Variants in HSBP1L1 observed in about 807,000 individuals in gnomAD.
HSBP1L1 encodes heat shock factor-binding protein 1-like protein 1.
Under a neutral mutation model 9.7 loss-of-function variants are expected in HSBP1L1, and 8 were observed. That is an observed-to-expected ratio of 0.82 (90% CI 0.48 to 1.48). The LOEUF is 1.48. Among genes scored for constraint, HSBP1L1 ranks in the 40% most tolerant of loss-of-function variants. The pLI, the probability that HSBP1L1 is intolerant of heterozygous loss-of-function variation, is 0.00. For synonymous variants in HSBP1L1, 39 were observed against 34.4 expected (o/e 1.13, Z -0.46); for missense variants, 106 against 95.8 (o/e 1.11, Z -0.44).
chr18:79,968,030 C>A, intron 2 of HSBP1L1, 59 bp from the exon 3 acceptor site: 1 of 1,055,596 alleles, frequency 9.5e-7, no homozygotes, highest in Non-Finnish European at 1.4e-6. Flanking sequence ...TGAGGACATC[C>A]TGGCTGTGCC....
rs2298645 is a variant in HSBP1L1 at position 79,968,135 on chromosome 18, G to T, written c.165G>T (p.Lys55Asn). Residue 55 changes from lysine (K) to asparagine (N), a missense_variant, in exon 3 of 4, where the codon AAG (lysine) becomes AAT (asparagine). Lys to Asn is a moderately conservative substitution (Grantham distance 94, BLOSUM62 0). Transcript: ENST00000451882. ...NRIEDLQKNVKDLMVQAGIEN... is the reference protein window; with the variant it reads ...NRIEDLQKNVNDLMVQAGIEN... ...TTGAGGACTTACAGAAGAATGTCAA[G>T]GACTTAATGGTGCAAGCTGGCATTG... The T allele has an allele frequency of 0.83, 1,280,836 of 1,548,168 alleles. 532,117 individuals carry two copies. The highest frequency in any genetic ancestry group is 0.89 in the East Asian group (36,309 of 40,900).
rs146936388 is a variant in HSBP1L1 at position 79,970,048 on chromosome 18, G to A, written c.214-392G>A. On this transcript the variant is annotated intron_variant, in intron 3 of 3. Transcript: ENST00000451882. ...AAATAGAATTCACTAGGTACCCAGA[G>A]AGCCACTAGTATATCCAACTTGATT... 294 of 182,140 alleles carry A rather than the reference G, an allele frequency of 1.6e-3. 1 individual carries two copies. Among genetic ancestry groups the A allele is most frequent in the African/African-American group, 6.2e-3 (267 of 43,116 alleles). The allele number at this position is 182,140 out of a possible 1,614,324, so 11.3% of individuals were successfully genotyped here.
chr18:79,968,716 G>A lies in HSBP1L1; in HGVS notation c.213+533G>A, dbSNP rs1026363923. Among the ~76,000 whole-genome samples, 7 of 151,782 alleles carry A rather than the reference G, an allele frequency of 4.6e-5. 1 individual carries two copies. The highest frequency in any genetic ancestry group is 6.8e-3 in the Middle Eastern group (2 of 294). On this transcript the variant is annotated intron_variant, in intron 3 of 3. Coordinates refer to ENST00000451882, the MANE Select transcript of HSBP1L1 (RefSeq NM_001136180.2). Reference sequence around the variant, plus strand: ...ACTCCTGACCTCAGGTGATCCACCCGCCTCGGCCTCCCAAAGTGCCTCCTC... The same window carrying A: ...ACTCCTGACCTCAGGTGATCCACCCACCTCGGCCTCCCAAAGTGCCTCCTC...
rs1289192650 is a variant in HSBP1L1 at position 79,969,317 on chromosome 18, GAAA to G, written c.214-1122_214-1120del. 2.0e-3 allele frequency among the ~76,000 whole-genome samples: 212 copies of G among 105,032 alleles called. 4 individuals carry two copies. Among genetic ancestry groups the G allele is most frequent in the Non-Finnish European group, 3.2e-3 (167 of 51,848 alleles). 68.9% of individuals were successfully genotyped at this position (105,032 alleles called of 152,430 possible). On this transcript the variant is annotated intron_variant, in intron 3 of 3. Transcript: ENST00000451882. ...GAGGGAGAGAGAGAGAGAAAGGAAA[GAAA>G]GAAAGAAAGAAAAAGAAAGAAAGAA...
chr18:79,967,979 C>T (rs1180174485), intron 2 of HSBP1L1, 110 bp from the exon 3 acceptor site: 5 of 623,698 alleles, frequency 8.0e-6, no homozygotes, highest in Non-Finnish European at 1.4e-5. Context: ...CGTTGATTCC[C>T]TCATTTCAAA....
At chr18:79,964,923 G>C in intron 1 of HSBP1L1, 137 bp downstream of exon 1, 1 of 439,978 alleles carries the variant, frequency 2.3e-6, no homozygotes, top group African/African-American at 2.1e-5. Context: ...GGTCCTGGGG[G>C]GCCTGCGATC....
intron 3 of HSBP1L1, 157 bp from the exon 4 acceptor site, chr18:79,970,283 T>C (rs1243150313): frequency 9.6e-6 from 6 of 627,440 alleles, no homozygotes; most frequent in Non-Finnish European, 1.8e-5. Context: ...AGCAGGTACA[T>C]AATGAGATAA....
chr18:79,966,737 G>A lies in HSBP1L1; in HGVS notation c.118+59G>A, dbSNP rs966568606. 7 of 1,241,848 alleles carry A rather than the reference G, an allele frequency of 5.6e-6. No homozygotes were observed. In the African/African-American group the frequency reaches 1.1e-4, roughly 19 times the overall value. The allele number at this position is 1,241,848 out of a possible 1,614,324, so 76.9% of individuals were successfully genotyped here. On this transcript the variant is annotated intron_variant, in intron 2 of 3. Transcript: ENST00000451882. The stretch of plus-strand genomic sequence containing the variant: ...TCTTTCGGACTGGTAGATTATCATG[G>A]AGTATCTTTTTGTTGTCTGGTAGTA...
rs1046997135 is a variant in HSBP1L1 at position 79,970,712 on chromosome 18, G to A, written c.*261G>A. 6.4e-6 allele frequency: 3 copies of A among 469,602 alleles called. No individual in the cohort carries two copies. Among genetic ancestry groups the A allele is most frequent in the Non-Finnish European group, 7.7e-6 (2 of 258,180 alleles). The allele number at this position is 469,602 out of a possible 1,614,324, so 29.1% of individuals were successfully genotyped here. A position where few individuals can be genotyped will look rare whatever the true frequency, so the allele number is the denominator to read the frequency against. ...AACTGTGAAAAGACAAGTTTCTGTT[G>A]TTTAAACCACCCAATCTGAAGTATT... On this transcript the variant is annotated 3_prime_UTR_variant, in exon 4 of 4. Transcript: ENST00000451882.
chr18:79,965,655 A>G (rs12956003), intron 1 of HSBP1L1, among the ~76,000 whole-genome samples: 18,731 of 152,238 alleles, frequency 0.12, 1,677 homozygotes, highest in Non-Finnish European at 0.17. Context: ...AAGTAATTTC[A>G]TAAGAATTCT....
intron 2 of HSBP1L1, chr18:79,967,103 G>T (rs1182952067): frequency 6.7e-6 from 1 of 148,724 alleles, no homozygotes; most frequent in South Asian, 2.1e-4. Flanking sequence ...AGCCGAGATC[G>T]CGCCACTGCA....
In HSBP1L1 at chr18:79,967,009, A is replaced by G. The variant is rs554789965; in HGVS notation, c.118+331A>G. The G allele has an allele frequency of 3.0e-4, 55 of 185,624 alleles. 1 individual carries two copies. The highest frequency in any genetic ancestry group is 2.3e-3 in the South Asian group (24 of 10,400). The allele number at this position is 185,624 out of a possible 1,614,324, so 11.5% of individuals were successfully genotyped here. ...TAAAAATACAAAAAATTAGCCCGGCATGGTGGCGGGCGCCTGTAGTCCCAA... is the reference window on the plus strand; with the variant it reads ...TAAAAATACAAAAAATTAGCCCGGCGTGGTGGCGGGCGCCTGTAGTCCCAA... On this transcript the variant is annotated intron_variant, in intron 2 of 3. Transcript: ENST00000451882.
chr18:79,968,029 C>A, intron 2 of HSBP1L1, 60 bp from the exon 3 acceptor site: 4 of 1,044,944 alleles, frequency 3.8e-6, no homozygotes, highest in Non-Finnish European at 4.2e-6. Flanking sequence ...CTGAGGACAT[C>A]CTGGCTGTGC....
At position 79,964,667 on chromosome 18, in the gene HSBP1L1, G is replaced by A; in HGVS notation, c.-69G>A. On this transcript the variant is annotated 5_prime_UTR_variant, in exon 1 of 4. Coordinates refer to ENST00000451882, the MANE Select transcript of HSBP1L1 (RefSeq NM_001136180.2). ...CATACGGGAATCGCGGAGCTTAGCT[G>A]TCGCCACCTCGCGCCGGGTCCGCGC... The A allele has an allele frequency of 1.1e-6, 1 of 913,306 alleles. No individual in the cohort carries two copies. The highest frequency in any genetic ancestry group is 1.6e-6 in the Non-Finnish European group (1 of 639,192). 56.6% of individuals were successfully genotyped at this position (913,306 alleles called of 1,614,324 possible).
At chr18:79,969,356 AAAG>A (rs1568356627) in intron 3 of HSBP1L1, among the ~76,000 whole-genome samples, 7 of 45,600 alleles carry the variant, frequency 1.5e-4, no homozygotes, top group African/African-American at 2.2e-4. Flanking sequence ...AGAAAGAAAG[AAAG>A]AAAGAAAGAA....
At chr18:79,965,928 A>T (rs952417469) in intron 1 of HSBP1L1, among the ~76,000 whole-genome samples, 20 of 151,974 alleles carry the variant, frequency 1.3e-4, no homozygotes, top group Middle Eastern at 3.4e-3. Flanking sequence ...CATGATATTT[A>T]TTTTTTTTAT....
chr18:79,966,353 G>A (rs965106447), intron 1 of HSBP1L1, among the ~76,000 whole-genome samples: 13 of 152,120 alleles, frequency 8.5e-5, no homozygotes, highest in Admixed American at 2.0e-4. Context: ...AGACCAGCCT[G>A]GCCAACATGG....
chr18:79,969,351 G>GAA (rs369080047), intron 3 of HSBP1L1, among the ~76,000 whole-genome samples: 7 of 46,610 alleles, frequency 1.5e-4, no homozygotes, highest in East Asian at 1.0e-3. Context: ...AAGAAAGAAA[G>GAA]AAAGAAAGAA....
intron 2 of HSBP1L1, chr18:79,967,698 CAGG>C (rs1254906288): frequency 1.9e-5 from 3 of 156,104 alleles, no homozygotes. Flanking sequence ...CGCTTGAGCC[CAGG>C]AGTTCAGGGC....
Sources: gnomAD v4.1 joint callset for allele counts (sites outside exome capture counted in the v4.1 genomes callset) on GRCh38, gnomAD v4.1.1 for gene constraint, MANE v1.5 for transcripts, NCBI Gene and HGNC (gene_info 2026-07-23, HGNC 2026-07-21) for gene names.